HS3ST2: variants seen among roughly 807,000 people sequenced by gnomAD.
HS3ST2 encodes the protein heparan sulfate-glucosamine 3-sulfotransferase 2.
HS3ST2 carries 17 observed loss-of-function variants against 26.3 expected under a neutral mutation model. The observed-to-expected ratio is 0.65, with a 90% CI of 0.44 to 0.97. The LOEUF (loss-of-function observed/expected upper bound fraction) is 0.97, where lower values mean the gene tolerates loss of function less well. Among genes scored for constraint, HS3ST2 ranks in the 50% least tolerant of loss-of-function variants. The probability of loss-of-function intolerance (pLI) is 0.00; values close to 1 mark genes in which losing one functional copy is unlikely to be tolerated. For missense variants in HS3ST2, 402 were observed against 501.2 expected, an observed-to-expected ratio of 0.80 and a Z score of 1.89; for synonymous variants, 237 against 219.2, an observed-to-expected ratio of 1.08 and a Z score of -0.72.
chr16:22,892,763 T>A (rs1457228270), intron 1 of HS3ST2, among the ~76,000 whole-genome samples: 1 of 152,214 alleles, frequency 6.6e-6, no homozygotes, highest in East Asian at 1.9e-4. Flanking sequence ...CTGTTTTAAT[T>A]ACTACAGCTT....
chr16:22,913,152 G>GA (rs1567503016), intron 1 of HS3ST2, among the ~76,000 whole-genome samples: 1 of 73,534 alleles, frequency 1.4e-5, no homozygotes, highest in Non-Finnish European at 2.7e-5. Flanking sequence ...GGAAGGAAGG[G>GA]AGGGAGGGAG....
intron 1 of HS3ST2, among the ~76,000 whole-genome samples, chr16:22,870,140 C>T (rs1219930213): frequency 6.6e-6 from 1 of 152,142 alleles, no homozygotes; most frequent in East Asian, 1.9e-4. Flanking sequence ...GGAATTTGAA[C>T]TTGGGCCACT....
At chr16:22,849,548 T>C (rs1314109395) in intron 1 of HS3ST2, among the ~76,000 whole-genome samples, 2 of 152,232 alleles carry the variant, frequency 1.3e-5, no homozygotes, top group Non-Finnish European at 1.5e-5. Context: ...TGTTTCTTGC[T>C]CATGCTACAT....
chr16:22,863,688 G>A (rs1324031804), intron 1 of HS3ST2, among the ~76,000 whole-genome samples: 4 of 152,174 alleles, frequency 2.6e-5, no homozygotes, highest in Admixed American at 2.6e-4. Context: ...TCCTGTGACA[G>A]TGCCTCTGAC....
At chr16:22,815,232 G>T in intron 1 of HS3ST2, 137 bp downstream of exon 1, 1 of 1,159,814 alleles carries the variant, frequency 8.6e-7, no homozygotes, top group Non-Finnish European at 1.2e-6. Flanking sequence ...GGCCATGGGG[G>T]GCTATAGCAG....
intron 1 of HS3ST2, among the ~76,000 whole-genome samples, chr16:22,850,362 A>G (rs184183707): frequency 1.3e-5 from 2 of 152,372 alleles, no homozygotes; most frequent in Admixed American, 1.3e-4. Flanking sequence ...ATAATACCTT[A>G]TAATGGCATG....
At chr16:22,824,308 G>A (rs1901048103) in intron 1 of HS3ST2, among the ~76,000 whole-genome samples, 1 of 152,144 alleles carries the variant, frequency 6.6e-6, no homozygotes, top group Non-Finnish European at 1.5e-5. Context: ...CAGCACTTTG[G>A]GAGGCTGAGG....
chr16:22,855,756 T>G (rs1168024209), intron 1 of HS3ST2, among the ~76,000 whole-genome samples: 1 of 150,300 alleles, frequency 6.7e-6, no homozygotes, highest in East Asian at 2.0e-4. Context: ...ATACGCTGAC[T>G]TCATTCTCAG....
chr16:22,881,299 C>T (rs895341821), intron 1 of HS3ST2, among the ~76,000 whole-genome samples: 4 of 152,222 alleles, frequency 2.6e-5, no homozygotes, highest in African/African-American at 7.2e-5. Flanking sequence ...TCCTCCACTG[C>T]TGAGCGTTGA....
intron 1 of HS3ST2, among the ~76,000 whole-genome samples, chr16:22,860,880 T>TTA (rs1249049358): frequency 1.3e-5 from 2 of 150,834 alleles, no homozygotes; most frequent in African/African-American, 4.9e-5. Flanking sequence ...TTTAATATAA[T>TTA]TATATATAGA....
intron 1 of HS3ST2, among the ~76,000 whole-genome samples, chr16:22,824,541 C>T (rs1277423178): frequency 4.1e-5 from 6 of 147,218 alleles, no homozygotes; most frequent in East Asian, 4.0e-4. Flanking sequence ...GGCGAGACTC[C>T]GCCAAAAAGC....
At chr16:22,841,858 TAATC>T (rs1901362603) in intron 1 of HS3ST2, among the ~76,000 whole-genome samples, 1 of 152,182 alleles carries the variant, frequency 6.6e-6, no homozygotes. Context: ...CTCTTTCAAT[TAATC>T]ATTTAGCTCA....
chr16:22,865,345 G>C (rs1901736309), intron 1 of HS3ST2, among the ~76,000 whole-genome samples: 1 of 152,014 alleles, frequency 6.6e-6, no homozygotes, highest in Non-Finnish European at 1.5e-5. Flanking sequence ...ATGAGGTCAG[G>C]AGTTCGAGAC....
At chr16:22,882,540 C>T (rs942023310) in intron 1 of HS3ST2, among the ~76,000 whole-genome samples, 3 of 151,956 alleles carry the variant, frequency 2.0e-5, no homozygotes, top group African/African-American at 7.2e-5. Flanking sequence ...TTGACACCAG[C>T]CTGGCCAGCA....
intron 1 of HS3ST2, among the ~76,000 whole-genome samples, chr16:22,839,890 T>C (rs997113104): frequency 6.6e-6 from 1 of 152,228 alleles, no homozygotes; most frequent in Non-Finnish European, 1.5e-5. Context: ...GCAATATGAA[T>C]GTGATCTTTA....
At chr16:22,885,457 T>C (rs1235029464) in intron 1 of HS3ST2, among the ~76,000 whole-genome samples, 2 of 151,614 alleles carry the variant, frequency 1.3e-5, no homozygotes, top group African/African-American at 2.4e-5. Context: ...TCTTTTCTTT[T>C]CTTTGTTTTT....
chr16:22,850,021 C>T (rs73543180), intron 1 of HS3ST2, among the ~76,000 whole-genome samples: 8,132 of 152,154 alleles, frequency 0.053, 469 homozygotes, highest in African/African-American at 0.14. Context: ...TGCTCCCATA[C>T]AATAAAATAC....
At chr16:22,852,076 GA>G (rs1901526196) in intron 1 of HS3ST2, among the ~76,000 whole-genome samples, 1 of 152,176 alleles carries the variant, frequency 6.6e-6, no homozygotes, top group Non-Finnish European at 1.5e-5. Context: ...TTCCTATCAG[GA>G]AACATTTGGC....
intron 1 of HS3ST2, among the ~76,000 whole-genome samples, chr16:22,854,434 C>T (rs968023106): frequency 6.6e-6 from 1 of 152,074 alleles, no homozygotes; most frequent in South Asian, 2.1e-4. Context: ...ACTTTTCCCT[C>T]ATATTGAATA....
Sources: gnomAD v4.1 joint callset for allele counts (sites outside exome capture counted in the v4.1 genomes callset) on GRCh38, gnomAD v4.1.1 for gene constraint, MANE v1.5 for transcripts, NCBI Gene and HGNC (gene_info 2026-07-23, HGNC 2026-07-21) for gene names.